CRLF1: variants seen among roughly 807,000 people sequenced by gnomAD.
The protein encoded by CRLF1 is cytokine receptor like factor 1.
CRLF1 carries 36 observed loss-of-function variants against 48.9 expected under a neutral mutation model. That is an observed-to-expected ratio of 0.74 (90% confidence interval 0.56 to 0.97). CRLF1 has a LOEUF of 0.97. CRLF1 is among the 50% of genes least tolerant of loss of function. The pLI is 0.00. For synonymous variants in CRLF1, 256 were observed against 253.4 expected, an observed-to-expected ratio of 1.01 and a Z score of -0.10; for missense variants, 534 against 575.1, an observed-to-expected ratio of 0.93 and a Z score of 0.73.
In CRLF1 at chr19:18,594,053, G is replaced by T; in HGVS notation, c.1255+12C>A. On this transcript the variant is annotated intron_variant, in intron 8 of 8. Transcript: ENST00000392386. ...TTGCTCCCTCCCGCCCACCCATTCA[G>T]GCCCACCTTACCTCTCGCCGTGCCC... The T allele has an allele frequency of 3.4e-6, 1 of 296,208 alleles. No homozygotes were observed. The highest frequency in any genetic ancestry group is 6.1e-6 in the Non-Finnish European group (1 of 164,910). The allele number at this position is 296,208 out of a possible 1,614,324, so 18.3% of individuals were successfully genotyped here.
rs1208420469 is a variant in CRLF1 at position 18,606,413 on chromosome 19, C to T, written c.115+129G>A. The T allele has an allele frequency of 3.1e-5, 22 of 703,794 alleles. No homozygotes were observed. The highest frequency in any genetic ancestry group is 9.9e-5 in the East Asian group (1 of 10,112). 43.6% of individuals were successfully genotyped at this position (703,794 alleles called of 1,614,324 possible). A position where few individuals can be genotyped will look rare whatever the true frequency, so the allele number is the denominator to read the frequency against. ...GCAGGTGAGGGCGCCCCGAGGGCTG[C>T]GCCGGGGGCGCCTTCCTTTGTTCCC... On this transcript the variant is annotated intron_variant, in intron 1 of 8. Transcript: ENST00000392386. This position sits in a 1 kb window ranked among gnomAD's most constrained non-coding sequence, Gnocchi z 4.8.
chr19:18,601,635 A>C (rs1976222491), intron 1 of CRLF1, among the ~76,000 whole-genome samples: 1 of 151,926 alleles, frequency 6.6e-6, no homozygotes, highest in Non-Finnish European at 1.5e-5. Context: ...AACTCCTGAC[A>C]TCAAGTGATC....
At position 18,598,413 on chromosome 19, in the gene CRLF1, G is replaced by A. The variant is rs1976171758; in HGVS notation, c.697+19C>T. On this transcript the variant is annotated intron_variant, in intron 4 of 8. Transcript: ENST00000392386. ...GGGCTGGTGCCGAGGGAGGGGCCTAGCAGACACTGGGGGCTCACCCACATC... is the reference window on the plus strand; with the variant it reads ...GGGCTGGTGCCGAGGGAGGGGCCTAACAGACACTGGGGGCTCACCCACATC... 1.2e-6 allele frequency: 2 copies of A among 1,604,328 alleles called. No individual in the cohort carries two copies. The highest frequency in any genetic ancestry group is 2.7e-5 in the African/African-American group (2 of 74,824).
intron 2 of CRLF1, 87 bp downstream of exon 2, chr19:18,599,478 G>T: frequency 6.4e-7 from 1 of 1,573,686 alleles, no homozygotes; most frequent in Non-Finnish European, 8.7e-7. Flanking sequence ...TCATCCCCAG[G>T]CCAGAAGGCC....
At chr19:18,603,870 C>A (rs1250912519) in intron 1 of CRLF1, among the ~76,000 whole-genome samples, 1 of 80,952 alleles carries the variant, frequency 1.2e-5, no homozygotes, top group Non-Finnish European at 2.3e-5. Flanking sequence ...GGGCCAGAGC[C>A]GAGGAGGCGG....
In CRLF1 at chr19:18,596,531, A is replaced by G. The variant is rs761040147; in HGVS notation, c.1024+91T>C. ...CGACAGAATGAGGCCGTGTCTCAAA[A>G]GAAAAAAAAAAGAAAAGAAAACAAG... On this transcript the variant is annotated intron_variant, in intron 6 of 8. Coordinates refer to ENST00000392386, the MANE Select transcript of CRLF1 (RefSeq NM_004750.5). 1.3e-4 allele frequency: 185 copies of G among 1,478,256 alleles called. 1 individual carries two copies. The highest frequency in any genetic ancestry group is 3.2e-4 in the Admixed American group (15 of 46,760). The allele number at this position is 1,478,256 out of a possible 1,614,324, so 91.6% of individuals were successfully genotyped here.
In CRLF1 at chr19:18,606,119, G is replaced by T. The variant is rs1288992598; in HGVS notation, c.115+423C>A. Among the ~76,000 whole-genome samples the T allele has an allele frequency of 1.3e-5, 2 of 151,408 alleles. No individual in the cohort carries two copies. Among genetic ancestry groups the T allele is most frequent in the East Asian group, 4.0e-4 (2 of 5,062 alleles). ...CCCTCCCCGTGGGGCTCATCCCTCC[G>T]CCTGGGGGGGCCCGCTGGGGGCCCG... On this transcript the variant is annotated intron_variant, in intron 1 of 8. Transcript: ENST00000392386. The surrounding 1 kb of genome is among the most constrained non-coding windows in gnomAD (Gnocchi z 4.8).
intron 1 of CRLF1, among the ~76,000 whole-genome samples, chr19:18,600,134 C>T (rs1171691354): frequency 3.9e-5 from 6 of 152,132 alleles, no homozygotes; most frequent in Non-Finnish European, 8.8e-5. Context: ...TCACACAACT[C>T]GGGCATAGAG....
chr19:18,599,268 G>T, intron 2 of CRLF1: 1 of 335,904 alleles, frequency 3.0e-6, no homozygotes, highest in Non-Finnish European at 4.2e-6. Flanking sequence ...AGCACGCCTG[G>T]CTAAGTATTG....
chr19:18,593,487 AG>A lies in CRLF1; in HGVS notation c.*78del. 2.5e-6 allele frequency: 4 copies of A among 1,587,528 alleles called. No individual in the cohort carries two copies. The highest frequency in any genetic ancestry group is 3.4e-6 in the Non-Finnish European group (4 of 1,165,888). ...AGGGTGGCTCAGGTGCCCTGAAGTG[AG>A]GGTACAGAGGTGGCCCCAGTTTGGG... On this transcript the variant is annotated 3_prime_UTR_variant, in exon 9 of 9. Transcript: ENST00000392386.
chr19:18,604,678 A>G (rs1174493574), intron 1 of CRLF1, among the ~76,000 whole-genome samples: 1 of 152,072 alleles, frequency 6.6e-6, no homozygotes, highest in Admixed American at 6.5e-5. Flanking sequence ...CAGGCCAGGC[A>G]GGGGAGCAGC....
At chr19:18,601,871 T>C (rs545828502) in intron 1 of CRLF1, among the ~76,000 whole-genome samples, 1 of 152,266 alleles carries the variant, frequency 6.6e-6, no homozygotes, top group South Asian at 2.1e-4. Flanking sequence ...AGGCCCAGAT[T>C]TTCTGGTCTC....
intron 6 of CRLF1, 108 bp from the exon 7 acceptor site, chr19:18,594,542 T>G: frequency 1.2e-6 from 1 of 819,526 alleles, no homozygotes; most frequent in Non-Finnish European, 1.6e-6. Context: ...TCGGGGAACC[T>G]CCCTCCCCGT....
chr19:18,603,325 G>A (rs186919513), intron 1 of CRLF1, among the ~76,000 whole-genome samples: 8 of 152,356 alleles, frequency 5.3e-5, no homozygotes, highest in Admixed American at 5.2e-4. Flanking sequence ...CCTGTCTGGG[G>A]AGGTGACCTT....
At chr19:18,593,625 G>C (rs775763417) in intron 8 of CRLF1, 46 bp from the exon 9 acceptor site, 1 of 1,578,744 alleles carries the variant, frequency 6.3e-7, no homozygotes, top group Admixed American at 1.8e-5. Context: ...TCCAGGAGAG[G>C]GCCGCACCAC....
In CRLF1 at chr19:18,600,131, A is replaced by G. The variant is rs139560076; in HGVS notation, c.116-285T>C. On this transcript the variant is annotated intron_variant, in intron 1 of 8. Transcript: ENST00000392386. ...TTAAGGTTCTCTGAGGGGTCACACA[A>G]CTCGGGCATAGAGGCTCATTCGGAT... Among the ~76,000 whole-genome samples the G allele has an allele frequency of 2.9e-3, 444 of 152,008 alleles. 3 individuals are homozygous for G. The highest frequency in any genetic ancestry group is 0.01 in the African/African-American group (418 of 41,432).
Position 18,598,711 on chromosome 19 carries a change from C to T in CRLF1, c.527+61G>A, listed in dbSNP as rs573788338. On this transcript the variant is annotated intron_variant, in intron 3 of 8. Coordinates refer to ENST00000392386, the MANE Select transcript of CRLF1 (RefSeq NM_004750.5). ...CACATGGGGGCTCAGAGAGGGTCCG[C>T]GTTGGTCAAGGTCACGCAGCCAGCC... 1.4e-5 allele frequency: 22 copies of T among 1,613,848 alleles called. No homozygotes were observed. The East Asian group carries it at 3.8e-4, about 28-fold the overall frequency.
At chr19:18,596,516 A>C (rs2145328765) in intron 6 of CRLF1, 106 bp downstream of exon 6, 2 of 1,339,954 alleles carry the variant, frequency 1.5e-6, no homozygotes, top group East Asian at 2.5e-5. Flanking sequence ...CGACAGAATG[A>C]GGCCGTGTCT....
chr19:18,598,954 C>A, intron 2 of CRLF1, 53 bp from the exon 3 acceptor site: 1 of 1,604,852 alleles, frequency 6.2e-7, no homozygotes, highest in Non-Finnish European at 8.5e-7. Flanking sequence ...ACTAGCTGAG[C>A]CTCGGCTGAG....
Sources: allele counts gnomAD v4.1 joint callset (sites outside exome capture counted in the v4.1 genomes callset), GRCh38; gene constraint gnomAD v4.1.1; non-coding constraint Gnocchi (gnomAD v3.1); transcripts MANE v1.5; gene names NCBI Gene and HGNC (gene_info 2026-07-23, HGNC 2026-07-21).